The following ANGPT4 variants were observed in gnomAD, a reference collection of about 807,000 sequenced individuals.
ANGPT4 encodes angiopoietin-4.
ANGPT4 carries 50 observed loss-of-function variants against 53.0 expected under a neutral mutation model. The observed-to-expected ratio is 0.94, with a 90% CI of 0.75 to 1.20. The LOEUF is 1.20. Ranked by LOEUF, ANGPT4 falls within the 50% of genes most tolerant of loss-of-function variation. ANGPT4 has a pLI of 0.00. For missense variants in ANGPT4, 648 were observed against 637.1 expected (o/e 1.02, Z -0.18); for synonymous variants, 251 against 259.7 (o/e 0.97, Z 0.32).
Position 911,298 on chromosome 20 carries a change from G to A in ANGPT4, c.309+4608C>T, listed in dbSNP as rs1256361881. Among the ~76,000 whole-genome samples, 1 of 152,212 alleles carries A rather than the reference G, an allele frequency of 6.6e-6. No individual in the cohort carries two copies. Among genetic ancestry groups the A allele is most frequent in the Non-Finnish European group, 1.5e-5 (1 of 68,026 alleles). ...ACCTGGAGCAAACAGCAGAGGCTGG[G>A]GCAGTGCCAGGTTGGGAGGCCCCTG... On this transcript the variant is annotated intron_variant, in intron 1 of 8. Transcript: ENST00000381922. This position sits in a 1 kb window ranked among gnomAD's most constrained non-coding sequence, Gnocchi z 4.9.
intron 1 of ANGPT4, among the ~76,000 whole-genome samples, chr20:907,253 C>T (rs2069970135): frequency 6.6e-6 from 1 of 152,124 alleles, no homozygotes; most frequent in Non-Finnish European, 1.5e-5. Flanking sequence ...TCCCTGGCTC[C>T]TGAGCCTCAC....
At chr20:903,398 C>G (rs1982359328) in intron 1 of ANGPT4, among the ~76,000 whole-genome samples, 1 of 152,162 alleles carries the variant, frequency 6.6e-6, no homozygotes. Flanking sequence ...CCCAACCTTG[C>G]CACTTCCACC....
At chr20:889,508 A>G (rs1794932916) in intron 2 of ANGPT4, among the ~76,000 whole-genome samples, 1 of 152,142 alleles carries the variant, frequency 6.6e-6, no homozygotes. Flanking sequence ...AAACACAGAA[A>G]AGGTACAATA....
chr20:883,788 G>A (rs1981500643), intron 4 of ANGPT4, among the ~76,000 whole-genome samples: 1 of 152,246 alleles, frequency 6.6e-6, no homozygotes, highest in Non-Finnish European at 1.5e-5. Context: ...CTTGGGCTGA[G>A]CTACAAGAAA....
At chr20:876,260 C>T (rs1981169081) in intron 7 of ANGPT4, among the ~76,000 whole-genome samples, 1 of 152,024 alleles carries the variant, frequency 6.6e-6, no homozygotes, top group Non-Finnish European at 1.5e-5. Context: ...TGAGAAATTC[C>T]CCAGTGGGAA....
intron 7 of ANGPT4, among the ~76,000 whole-genome samples, chr20:875,409 G>A (rs1360659340): frequency 6.6e-6 from 1 of 152,194 alleles, no homozygotes; most frequent in East Asian, 1.9e-4. Flanking sequence ...TGCCAGCCAG[G>A]TGAGGATTTC....
In ANGPT4 at chr20:894,248, G is replaced by T. The variant is rs149423119; in HGVS notation, c.310-3880C>A. Among the ~76,000 whole-genome samples, 236 of 152,296 alleles carry T rather than the reference G, an allele frequency of 1.5e-3. 7 individuals are homozygous for T. In the East Asian group the frequency reaches 0.041, roughly 26 times the overall value. ...GCAAGCCCCGTGTTTAAAGGTGGATGCGGTCACCTTCCCAGCTAGGCTTAG... is the reference window on the plus strand; with the variant it reads ...GCAAGCCCCGTGTTTAAAGGTGGATTCGGTCACCTTCCCAGCTAGGCTTAG... On this transcript the variant is annotated intron_variant, in intron 1 of 8. Coordinates refer to ENST00000381922, the MANE Select transcript of ANGPT4 (RefSeq NM_015985.4).
intron 1 of ANGPT4, among the ~76,000 whole-genome samples, chr20:913,648 C>G (rs1982798205): frequency 6.6e-6 from 1 of 152,326 alleles, no homozygotes; most frequent in Non-Finnish European, 1.5e-5. Context: ...GCATCCGACA[C>G]CCAGGGGATT....
At chr20:882,161 C>G (rs1341577619) in intron 4 of ANGPT4, among the ~76,000 whole-genome samples, 1 of 152,176 alleles carries the variant, frequency 6.6e-6, no homozygotes, top group Non-Finnish European at 1.5e-5. Context: ...TGTTTCTTCC[C>G]TCTGGACTAC....
chr20:873,161 G>T, intron 8 of ANGPT4, 41 bp from the exon 9 acceptor site: 1 of 1,466,354 alleles, frequency 6.8e-7, no homozygotes, highest in Admixed American at 1.9e-5. Flanking sequence ...GGAGGTGGGA[G>T]CCCAGCCAGT....
chr20:878,414 G>T lies in ANGPT4; in HGVS notation c.1054-87C>A, dbSNP rs1278930065. 5.9e-6 allele frequency: 8 copies of T among 1,351,868 alleles called. No homozygotes were observed. In the African/African-American group the frequency reaches 1.0e-4, roughly 17 times the overall value. The allele number at this position is 1,351,868 out of a possible 1,614,324, so 83.7% of individuals were successfully genotyped here. Reference sequence around the variant, plus strand: ...GGAGCTGGGCTGGGCCAGGCTCCAGGGCTACTTATACAAAACCACTGTGCT... The same window carrying T: ...GGAGCTGGGCTGGGCCAGGCTCCAGTGCTACTTATACAAAACCACTGTGCT... On this transcript the variant is annotated intron_variant, in intron 6 of 8. Coordinates refer to ENST00000381922, the MANE Select transcript of ANGPT4 (RefSeq NM_015985.4).
At chr20:878,536 G>T (rs1981264546) in intron 6 of ANGPT4, among the ~76,000 whole-genome samples, 1 of 152,202 alleles carries the variant, frequency 6.6e-6, no homozygotes, top group Non-Finnish European at 1.5e-5. Context: ...AAGTGTAAAA[G>T]CCTGTTAAAA....
Position 911,381 on chromosome 20 carries a change from C to A in ANGPT4, c.309+4525G>T, listed in dbSNP as rs1481080641. 6.6e-6 allele frequency among the ~76,000 whole-genome samples: 1 copy of A among 152,210 alleles called. No homozygotes were observed. Among genetic ancestry groups the A allele is most frequent in the East Asian group, 1.9e-4 (1 of 5,202 alleles). On this transcript the variant is annotated intron_variant, in intron 1 of 8. Coordinates refer to ENST00000381922, the MANE Select transcript of ANGPT4 (RefSeq NM_015985.4). The surrounding 1 kb of genome is among the most constrained non-coding windows in gnomAD (Gnocchi z 4.9). ...GGTGCAGAGGAGGAAGAGAAAGAGG[C>A]CTCGGCTGAGCAGCCAGCTGCAGGG...
In ANGPT4 at chr20:916,248, C is replaced by T. The variant is rs774809629; in HGVS notation, c.-34G>A. On this transcript the variant is annotated 5_prime_UTR_variant, in exon 1 of 9. Coordinates refer to ENST00000381922, the MANE Select transcript of ANGPT4 (RefSeq NM_015985.4). ...GTGTCAATGGCGAGGGATGTCTGCT[C>T]AGAGCCCTAGGGGCTGTGCCTGGGA... The T allele has an allele frequency of 3.1e-6, 5 of 1,592,876 alleles. No individual in the cohort carries two copies. Among genetic ancestry groups the T allele is most frequent in the South Asian group, 2.3e-5 (2 of 87,250 alleles).
At chr20:897,951 C>T (rs1323147840) in intron 1 of ANGPT4, among the ~76,000 whole-genome samples, 1 of 152,222 alleles carries the variant, frequency 6.6e-6, no homozygotes, top group African/African-American at 2.4e-5. Context: ...CTTTTGATTT[C>T]TCCATCTTAC....
intron 3 of ANGPT4, among the ~76,000 whole-genome samples, chr20:886,818 C>G (rs1365794431): frequency 6.6e-6 from 1 of 152,220 alleles, no homozygotes; most frequent in Non-Finnish European, 1.5e-5. Flanking sequence ...ACTGTTAAGT[C>G]ACAAAATTGT....
rs1334107163 is a variant in ANGPT4 at position 872,492 on chromosome 20, C to T, written c.*468G>A. On this transcript the variant is annotated 3_prime_UTR_variant, in exon 9 of 9. Transcript: ENST00000381922. ...CCCCTTCAGACTTGAAAAGAAAGTT[C>T]AAGGACATCTCAAGACTAGAAAATC... 6.4e-6 allele frequency: 1 copy of T among 156,962 alleles called. No homozygotes were observed. Among genetic ancestry groups the T allele is most frequent in the East Asian group, 1.9e-4 (1 of 5,290 alleles). The allele number at this position is 156,962 out of a possible 1,614,324, so 9.7% of individuals were successfully genotyped here.
At chr20:893,767 C>T (rs766175910) in intron 1 of ANGPT4, among the ~76,000 whole-genome samples, 1 of 152,214 alleles carries the variant, frequency 6.6e-6, no homozygotes, top group African/African-American at 2.4e-5. Flanking sequence ...TGGCTCCACC[C>T]AGTTCTGAAG....
rs375636235 is a variant in ANGPT4, at chr20:873,083, G to A, written c.1389C>T (p.Asn463=). 22 of 1,613,886 alleles carry A rather than the reference G, an allele frequency of 1.4e-5. 1 individual carries two copies. The Admixed American group carries it at 2.0e-4, about 15-fold the overall frequency. The change falls in exon 9 of 9, where the codon AAC becomes AAT. Residue 463 remains asparagine, a synonymous_variant. Coordinates refer to ENST00000381922, the MANE Select transcript of ANGPT4 (RefSeq NM_015985.4). The part of the protein sequence containing the change: ...WFDACGLSNL[N]GVYYHAPDNK... ...TGTCGGGAGCGTGGTAGTAGACGCC[G>A]TTGAGGTTTGACAGGCCACAGGCGT...
Sources: gnomAD v4.1 joint callset for allele counts (sites outside exome capture counted in the v4.1 genomes callset) on GRCh38, gnomAD v4.1.1 for gene constraint, Gnocchi (gnomAD v3.1) non-coding constraint, MANE v1.5 for transcripts, NCBI Gene and HGNC (gene_info 2026-07-23, HGNC 2026-07-21) for gene names.